Variants in MRE11 observed in about 807,000 individuals in gnomAD.
MRE11 encodes the protein MRE11 double strand break repair nuclease.
In MRE11, 62 loss-of-function variants were observed where a neutral mutation model predicts 91.7. The observed-to-expected ratio is 0.68, with a 90% CI of 0.55 to 0.84. The LOEUF (loss-of-function observed/expected upper bound fraction) is 0.84. Among genes scored for constraint, MRE11 ranks in the 40% least tolerant of loss-of-function variants. The probability of loss-of-function intolerance (pLI) is 0.00; values close to 1 mark genes in which losing one functional copy is unlikely to be tolerated. For missense variants in MRE11, 796 were observed against 852.9 expected, an observed-to-expected ratio of 0.93 and a Z score of 0.83; for synonymous variants, 273 against 271.4, an observed-to-expected ratio of 1.01 and a Z score of -0.06.
intron 16 of MRE11, among the ~76,000 whole-genome samples, chr11:94,444,200 C>A (rs561138176): frequency 6.6e-6 from 1 of 152,110 alleles, no homozygotes; most frequent in Non-Finnish European, 1.5e-5. Flanking sequence ...TGAGCCACTG[C>A]GCCTGGCCAA....
intron 11 of MRE11, 29 bp from the exon 12 acceptor site, chr11:94,461,065 A>G: frequency 6.4e-7 from 1 of 1,559,968 alleles, no homozygotes. Context: ...ATCAAAAAAT[A>G]GCTTCTATCA....
intron 7 of MRE11, 148 bp from the exon 8 acceptor site, chr11:94,471,907 A>G: frequency 2.9e-6 from 2 of 684,952 alleles, no homozygotes; most frequent in East Asian, 5.5e-5. Flanking sequence ...TGGGAATGTA[A>G]AGATCATCAA....
At chr11:94,492,759 G>C in intron 2 of MRE11, 23 bp downstream of exon 2, 1 of 1,613,798 alleles carries the variant, frequency 6.2e-7, no homozygotes, top group Non-Finnish European at 8.5e-7. Flanking sequence ...AATAACAAGG[G>C]ATTCCAGAAG....
At chr11:94,472,748 T>G (rs1323964863) in intron 7 of MRE11, among the ~76,000 whole-genome samples, 1 of 152,128 alleles carries the variant, frequency 6.6e-6, no homozygotes. Context: ...ATATATAAAA[T>G]GTAAACAAAT....
Position 94,492,831 on chromosome 11 carries a change from C to T in MRE11, c.-30G>A, listed in dbSNP as rs572314112. The T allele has an allele frequency of 3.7e-6, 6 of 1,610,356 alleles. No individual in the cohort carries two copies. In the Admixed American group the frequency reaches 5.0e-5, roughly 13 times the overall value. ...ATGGTCAGTCAAGCTCCTCTGGGACCAGGTTCTTCTCCAAGAACCCCTGGG... is the reference window on the plus strand; with the variant it reads ...ATGGTCAGTCAAGCTCCTCTGGGACTAGGTTCTTCTCCAAGAACCCCTGGG... On this transcript the variant is annotated 5_prime_UTR_variant, in exon 2 of 20. Coordinates refer to ENST00000323929, the MANE Select transcript of MRE11 (RefSeq NM_005591.4).
At chr11:94,474,195 G>A (rs374950359) in intron 7 of MRE11, among the ~76,000 whole-genome samples, 1 of 152,060 alleles carries the variant, frequency 6.6e-6, no homozygotes, top group Non-Finnish European at 1.5e-5. Flanking sequence ...TTGATTCCAG[G>A]GCTAGGTAGG....
At chr11:94,449,602 T>C (rs752575720) in intron 14 of MRE11, among the ~76,000 whole-genome samples, 8 of 152,234 alleles carry the variant, frequency 5.3e-5, no homozygotes, top group Non-Finnish European at 7.3e-5. Context: ...CTTTCTGTGA[T>C]AGTCATGCAT....
intron 16 of MRE11, among the ~76,000 whole-genome samples, chr11:94,439,008 G>A (rs1945702035): frequency 6.6e-6 from 1 of 152,178 alleles, no homozygotes; most frequent in Non-Finnish European, 1.5e-5. Flanking sequence ...ACTATCCTCT[G>A]CTGACTAACT....
Position 94,470,558 on chromosome 11 carries a change from C to T in MRE11, c.930G>A (p.Glu310=), listed in dbSNP as rs1399320806. 2 of 1,613,004 alleles carry T rather than the reference C, an allele frequency of 1.2e-6. No homozygotes were observed. Among genetic ancestry groups the T allele is most frequent in the Admixed American group, 1.7e-5 (1 of 59,940 alleles). Residue 310 remains glutamate, a synonymous_variant, in exon 9 of 20, where the codon GAG becomes GAA. Coordinates refer to ENST00000323929, the MANE Select transcript of MRE11 (RefSeq NM_005591.4). Reference sequence around the variant, plus strand: ...CTGGATGATTAGCTAGAACAATATCCTCCATGAAAAACTGCCGCACTGTGT... The same window carrying T: ...CTGGATGATTAGCTAGAACAATATCTTCCATGAAAAACTGCCGCACTGTGT... ...PLHTVRQFFM[E]DIVLANHPDI...
At chr11:94,492,734 G>A in intron 2 of MRE11, 48 bp downstream of exon 2, 3 of 1,611,252 alleles carry the variant, frequency 1.9e-6, no homozygotes, top group Non-Finnish European at 2.5e-6. Context: ...CAGTTGACGA[G>A]CTTTAGAAAC....
chr11:94,504,774 T>C, the MRE11 span, among the ~76,000 whole-genome samples: 2 of 152,216 alleles, frequency 1.3e-5, no homozygotes, highest in African/African-American at 4.8e-5. Flanking sequence ...AGTAACTTAT[T>C]TACTCTGGTA....
intron 2 of MRE11, among the ~76,000 whole-genome samples, chr11:94,491,620 A>T (rs534469296): frequency 2.0e-5 from 3 of 152,234 alleles, no homozygotes; most frequent in Non-Finnish European, 4.4e-5. Context: ...TCACAGATAA[A>T]GAGTCAGGCA....
rs536320705 is a variant in MRE11, at chr11:94,429,786, C to T, written c.2070+125G>A. ...CCCATGTAACAAACCTGCACATGTA[C>T]TCCCTGAACATAAAAGATGAAGTTA... On this transcript the variant is annotated intron_variant, in intron 19 of 19. Transcript: ENST00000323929. The T allele has an allele frequency of 3.2e-4, 258 of 805,332 alleles. No individual in the cohort carries two copies. In the African/African-American group the frequency reaches 3.8e-3, roughly 12 times the overall value. The allele number at this position is 805,332 out of a possible 1,614,324, so 49.9% of individuals were successfully genotyped here.
the MRE11 span, among the ~76,000 whole-genome samples, chr11:94,511,935 T>C: frequency 1.3e-5 from 2 of 152,270 alleles, no homozygotes; most frequent in Admixed American, 6.5e-5. Context: ...CAAAAGAGCT[T>C]GGAAACTACA....
At chr11:94,467,768 T>G (rs1285451489) in intron 10 of MRE11, 45 bp downstream of exon 10, 1 of 1,484,466 alleles carries the variant, frequency 6.7e-7, no homozygotes, top group East Asian at 2.3e-5. Context: ...TACATTACTA[T>G]GCTTTGAAAA....
chr11:94,457,062 G>A (rs1946269792), intron 13 of MRE11, among the ~76,000 whole-genome samples: 1 of 152,202 alleles, frequency 6.6e-6, no homozygotes, highest in Non-Finnish European at 1.5e-5. Flanking sequence ...GATGATATGG[G>A]AGAGGGAACA....
chr11:94,421,382 A>G (rs2134740775), intron 19 of MRE11, among the ~76,000 whole-genome samples: 1 of 152,320 alleles, frequency 6.6e-6, no homozygotes, highest in African/African-American at 2.4e-5. Flanking sequence ...ATATAAATTC[A>G]TTTTCATTTA....
rs13447765 is a variant in MRE11, at chr11:94,417,107, G to T, written c.*3018C>A. The T allele has an allele frequency of 2.8e-3, 438 of 156,608 alleles. 3 individuals carry two copies. The highest frequency in any genetic ancestry group is 1.0e-2 in the African/African-American group (416 of 41,670). 9.7% of individuals were successfully genotyped at this position (156,608 alleles called of 1,614,324 possible). A position where few individuals can be genotyped will look rare whatever the true frequency, so the allele number is the denominator to read the frequency against. The stretch of plus-strand genomic sequence containing the variant: ...TTCTCCTGCCTCAGCCTCCTGAGTA[G>T]CTAAGATTACAGGCACACACCACCA... On this transcript the variant is annotated 3_prime_UTR_variant, in exon 20 of 20. Coordinates refer to ENST00000323929, the MANE Select transcript of MRE11 (RefSeq NM_005591.4).
At chr11:94,492,973 T>G (rs1947329875) in intron 1 of MRE11, 67 bp from the exon 2 acceptor site, 1 of 654,862 alleles carries the variant, frequency 1.5e-6, no homozygotes, top group Non-Finnish European at 2.7e-6. Flanking sequence ...CAACATGATT[T>G]ACGCTGCACA....
Sources: gnomAD v4.1 joint callset for allele counts (sites outside exome capture counted in the v4.1 genomes callset) on GRCh38, gnomAD v4.1.1 for gene constraint, MANE v1.5 for transcripts, NCBI Gene and HGNC (gene_info 2026-07-23, HGNC 2026-07-21) for gene names.